TMEM63A: variants seen among roughly 807,000 people sequenced by gnomAD.
The protein encoded by TMEM63A is transmembrane protein 63A, also known as mechanosensitive cation channel TMEM63A.
In TMEM63A, 76 loss-of-function variants were observed where a neutral mutation model predicts 100.6. That is an observed-to-expected ratio of 0.76 (90% CI 0.63 to 0.91). The LOEUF (loss-of-function observed/expected upper bound fraction) is 0.91. TMEM63A is among the 40% of genes least tolerant of loss of function. TMEM63A has a pLI of 0.00. For synonymous variants in TMEM63A, 401 were observed against 401.1 expected (o/e 1.00, Z 0.00); for missense variants, 876 against 1,008.8 (o/e 0.87, Z 1.78).
intron 15 of TMEM63A, among the ~76,000 whole-genome samples, chr1:225,857,528 A>G (rs1349985052): frequency 6.6e-6 from 1 of 152,176 alleles, no homozygotes; most frequent in Non-Finnish European, 1.5e-5. Flanking sequence ...GATTAGATGA[A>G]CATAAAAATA....
chr1:225,851,450 A>G (rs542845931), intron 20 of TMEM63A, among the ~76,000 whole-genome samples: 1 of 152,094 alleles, frequency 6.6e-6, no homozygotes, highest in East Asian at 1.9e-4. Flanking sequence ...GCTCACTGCA[A>G]CCTCTGCCTC....
chr1:225,840,712 T>C (rs777706598), downstream of TMEM63A, among the ~76,000 whole-genome samples: 23 of 152,130 alleles, frequency 1.5e-4, no homozygotes, highest in Non-Finnish European at 5.9e-5. Flanking sequence ...AACTGTAAAA[T>C]AGCTCAATGA....
chr1:225,848,472 G>C lies in TMEM63A; in HGVS notation c.2250+20C>G. The stretch of plus-strand genomic sequence containing the variant: ...CAAAAAAAAGGGCGACAAGCTCAGA[G>C]GCTGAGGGGCACAGCTTACTGTGAA... On this transcript the variant is annotated intron_variant, in intron 23 of 24. Transcript: ENST00000366835. The C allele has an allele frequency of 6.2e-7, 1 of 1,613,716 alleles. No homozygotes were observed. Among genetic ancestry groups the C allele is most frequent in the East Asian group, 2.2e-5 (1 of 44,876 alleles).
rs1320109887 is a variant in TMEM63A at position 225,867,809 on chromosome 1, G to GT, written c.514+78dup. 1 of 1,575,676 alleles carries GT rather than the reference G, an allele frequency of 6.3e-7. No individual in the cohort carries two copies. The highest frequency in any genetic ancestry group is 2.3e-5 in the East Asian group (1 of 44,292). ...GTGGGGCATGACTCCTGGGGTTCTG[G>GT]TCTACCACAGTGAGCCCTTTCCCTA... On this transcript the variant is annotated intron_variant, in intron 7 of 24. Transcript: ENST00000366835. This position sits in a 1 kb window ranked among gnomAD's most constrained non-coding sequence, Gnocchi z 4.6.
At position 225,845,600 on chromosome 1, in the gene TMEM63A, C is replaced by A. The variant is rs1668910824; in HGVS notation, c.*1339G>T. ...TCAGTGACATGAGCGTGCGCTGACC[C>A]CACATGGGGCCCCCTGTGCAAGCAG... On this transcript the variant is annotated 3_prime_UTR_variant, in exon 25 of 25. Coordinates refer to ENST00000366835, the MANE Select transcript of TMEM63A (RefSeq NM_014698.3). 5.3e-6 allele frequency: 3 copies of A among 561,930 alleles called. No individual in the cohort carries two copies. Among genetic ancestry groups the A allele is most frequent in the East Asian group, 3.0e-5 (1 of 32,890 alleles). The allele number at this position is 561,930 out of a possible 1,614,324, so 34.8% of individuals were successfully genotyped here. A position where few individuals can be genotyped will look rare whatever the true frequency, so the allele number is the denominator to read the frequency against.
chr1:225,856,654 G>C lies in TMEM63A; in HGVS notation c.1569C>G (p.Thr523=), dbSNP rs2102608800. Residue 523 remains threonine, a splice_region_variant and synonymous_variant, in exon 17 of 25, where the codon ACC becomes ACG. Transcript: ENST00000366835. The part of the protein sequence containing the change: ...MVLILPSLGL[T]SLDFFFRWLF... ...GAGCAGAAGGTGGTGGCATATACCT[G>C]GTGAGACCCAGGGAGGGCAGGATCA... 1 of 1,613,730 alleles carries C rather than the reference G, an allele frequency of 6.2e-7. No individual in the cohort carries two copies. The highest frequency in any genetic ancestry group is 2.2e-5 in the East Asian group (1 of 44,842).
intron 14 of TMEM63A, 154 bp downstream of exon 14, chr1:225,860,706 C>T (rs1669893761): frequency 2.2e-6 from 2 of 902,872 alleles, no homozygotes; most frequent in Admixed American, 3.8e-5. Context: ...CCCAGTTGGG[C>T]CACACCGAGC....
intron 13 of TMEM63A, 26 bp from the exon 14 acceptor site, chr1:225,861,023 G>A (rs1432473048): frequency 6.3e-7 from 1 of 1,585,306 alleles, no homozygotes; most frequent in Non-Finnish European, 8.6e-7. Context: ...GCAACAGCCA[G>A]GCCCAGGCTA....
At chr1:225,871,802 A>C (rs1670518866) in intron 5 of TMEM63A, 185 bp downstream of exon 5, 1 of 564,488 alleles carries the variant, frequency 1.8e-6, no homozygotes, top group Non-Finnish European at 3.1e-6. Context: ...ATCCAGTCTC[A>C]AGGTCCCGGG....
downstream of TMEM63A, chr1:225,845,224 C>G (rs759386862): frequency 1.9e-6 from 3 of 1,614,120 alleles, 1 homozygote; most frequent in South Asian, 3.3e-5. Flanking sequence ...GGGTGAGGTT[C>G]AAGTACCCAA....
At chr1:225,842,468 TG>T, downstream of TMEM63A, 1 of 1,611,374 alleles carries the variant, frequency 6.2e-7, no homozygotes, top group Non-Finnish European at 8.5e-7. Flanking sequence ...GATGGAGGCC[TG>T]GAAAGGTGAG....
At position 225,877,422 on chromosome 1, in the gene TMEM63A, G is replaced by C. The variant is rs781045959; in HGVS notation, c.159C>G (p.Val53=). The C allele has an allele frequency of 1.9e-6, 3 of 1,614,168 alleles. No individual in the cohort carries two copies. Among genetic ancestry groups the C allele is most frequent in the Middle Eastern group, 1.6e-4 (1 of 6,062 alleles). ...QGVTFGGIPT[V]LLIDVSCFLF... ...GGAAGCAGCTGACGTCTATGAGCAG[G>C]ACAGTGGGGATGCCACCAAAGGTGA... Residue 53 remains valine (V), a synonymous_variant, in exon 3 of 25, where the codon GTC becomes GTG. Transcript: ENST00000366835.
chr1:225,851,401 C>G (rs1331800754), intron 20 of TMEM63A, among the ~76,000 whole-genome samples: 2 of 152,000 alleles, frequency 1.3e-5, no homozygotes, highest in Non-Finnish European at 1.5e-5. Flanking sequence ...GATGGAGTCT[C>G]GCTCATTGGT....
chr1:225,849,889 C>T, intron 21 of TMEM63A, 23 bp downstream of exon 21: 1 of 1,611,218 alleles, frequency 6.2e-7, no homozygotes, highest in Non-Finnish European at 8.5e-7. Context: ...AAGGGCTGGC[C>T]CCAGGTCAGA....
chr1:225,860,568 G>A lies in TMEM63A; in HGVS notation c.1223+292C>T, dbSNP rs151046341. 3.7e-4 allele frequency: 107 copies of A among 289,086 alleles called. 1 individual carries two copies. In the East Asian group the frequency reaches 6.3e-3, roughly 17 times the overall value. The allele number at this position is 289,086 out of a possible 1,614,324, so 17.9% of individuals were successfully genotyped here. The stretch of plus-strand genomic sequence containing the variant: ...TACATTATTAAAATTAATTTCAACT[G>A]TTTCTTTTTACTTTTTTAGCATGGC... On this transcript the variant is annotated intron_variant, in intron 14 of 24. Transcript: ENST00000366835.
intron 23 of TMEM63A, 168 bp from the exon 24 acceptor site, chr1:225,847,381 G>C: frequency 1.3e-6 from 1 of 751,854 alleles, no homozygotes; most frequent in Non-Finnish European, 2.1e-6. Flanking sequence ...GACACCTGCA[G>C]AATTTCCTAG....
At chr1:225,845,261 C>T (rs199757500), downstream of TMEM63A, 181 of 1,613,748 alleles carry the variant, frequency 1.1e-4, no homozygotes, top group Middle Eastern at 1.7e-4. Flanking sequence ...CTACATGGTT[C>T]GTGGGGGCCA....
chr1:225,862,617 G>C lies in TMEM63A; in HGVS notation c.828-39C>G. 1 of 1,604,802 alleles carries C rather than the reference G, an allele frequency of 6.2e-7. No individual in the cohort carries two copies. Among genetic ancestry groups the C allele is most frequent in the Non-Finnish European group, 8.5e-7 (1 of 1,174,140 alleles). ...AGCGGGGGCACAAACCTCAGATTTA[G>C]AATCCTGTGGCAGGGACCCCCATAC... On this transcript the variant is annotated intron_variant, in intron 11 of 24. Coordinates refer to ENST00000366835, the MANE Select transcript of TMEM63A (RefSeq NM_014698.3). The surrounding 1 kb of genome is among the most constrained non-coding windows in gnomAD (Gnocchi z 5.1).
Position 225,874,274 on chromosome 1 carries a change from C to A in TMEM63A, c.266+14G>T. Reference sequence around the variant, plus strand: ...CGCACACGCATGCTCACAGCCTAGGCGATATGTCTTTACCTGTCTGCTTCT... The same window carrying A: ...CGCACACGCATGCTCACAGCCTAGGAGATATGTCTTTACCTGTCTGCTTCT... On this transcript the variant is annotated intron_variant, in intron 4 of 24. Coordinates refer to ENST00000366835, the MANE Select transcript of TMEM63A (RefSeq NM_014698.3). 1 of 1,612,602 alleles carries A rather than the reference C, an allele frequency of 6.2e-7. No individual in the cohort carries two copies. Among genetic ancestry groups the A allele is most frequent in the Non-Finnish European group, 8.5e-7 (1 of 1,179,498 alleles).
Sources: allele counts gnomAD v4.1 joint callset (sites outside exome capture counted in the v4.1 genomes callset), GRCh38; gene constraint gnomAD v4.1.1; non-coding constraint Gnocchi (gnomAD v3.1); transcripts MANE v1.5; gene names NCBI Gene and HGNC (gene_info 2026-07-23, HGNC 2026-07-21).